Variants in PYROXD2 observed in about 807,000 individuals in gnomAD.
PYROXD2 encodes the protein pyridine nucleotide-disulfide oxidoreductase domain-containing protein 2.
A neutral mutation model predicts 71.1 loss-of-function variants in PYROXD2; 69 were observed. The observed-to-expected ratio is 0.97, with a 90% CI of 0.80 to 1.19. The LOEUF is 1.19. PYROXD2 is among the 50% of genes most tolerant of loss of function. The pLI, the probability that PYROXD2 is intolerant of heterozygous loss-of-function variation, is 0.00. For synonymous variants in PYROXD2, 287 were observed against 302.7 expected (o/e 0.95, Z 0.54); for missense variants, 745 against 748.9 (o/e 0.99, Z 0.06).
intron 12 of PYROXD2, among the ~76,000 whole-genome samples, chr10:98,390,021 C>T (rs1011279536): frequency 6.6e-6 from 1 of 152,114 alleles, no homozygotes; most frequent in Non-Finnish European, 1.5e-5. Context: ...AGTTTCATGC[C>T]CCTGCCCCGC....
intron 2 of PYROXD2, among the ~76,000 whole-genome samples, chr10:98,408,718 C>T (rs1843691158): frequency 6.6e-6 from 1 of 152,118 alleles, no homozygotes; most frequent in Non-Finnish European, 1.5e-5. Flanking sequence ...TTTGTTGAAC[C>T]AAACTGGTCA....
chr10:98,385,023 G>A lies in PYROXD2; in HGVS notation c.1599C>T (p.Ala533=), dbSNP rs1220105978. 6 of 1,613,886 alleles carry A rather than the reference G, an allele frequency of 3.7e-6. No individual in the cohort carries two copies. Among genetic ancestry groups the A allele is most frequent in the Non-Finnish European group, 5.1e-6 (6 of 1,179,906 alleles). The change falls in exon 15 of 16, where the codon GCC becomes GCT. Residue 533 remains alanine (A), a synonymous_variant. Coordinates refer to ENST00000370575, the MANE Select transcript of PYROXD2 (RefSeq NM_032709.3). ...AGCCAGAATGCAGGGGCACGGGGCG[G>A]GCGAAGTAGAGCTGGTCCAGGGACA... ...CAMSLDQLYF[A]RPVPLHSGYR... is the part of the protein sequence containing the mutation.
intron 5 of PYROXD2, among the ~76,000 whole-genome samples, chr10:98,399,434 A>C (rs1843312905): frequency 6.6e-6 from 1 of 152,226 alleles, no homozygotes; most frequent in Non-Finnish European, 1.5e-5. Flanking sequence ...TATCCACAGA[A>C]CCAACTGTGG....
chr10:98,400,832 T>C (rs1429188807), intron 4 of PYROXD2, among the ~76,000 whole-genome samples: 25 of 152,216 alleles, frequency 1.6e-4, no homozygotes, highest in Admixed American at 1.6e-3. Context: ...AGAGTGTACC[T>C]ACACAAAACT....
At chr10:98,408,049 A>C in intron 2 of PYROXD2, 52 bp from the exon 3 acceptor site, 18 of 1,540,362 alleles carry the variant, frequency 1.2e-5, no homozygotes, top group Non-Finnish European at 1.4e-5. Flanking sequence ...CTGAAATGTC[A>C]GGGCTCCCTC....
intron 4 of PYROXD2, among the ~76,000 whole-genome samples, chr10:98,405,232 C>T (rs4475861): frequency 0.37 from 55,558 of 152,032 alleles, 11,240 homozygotes; most frequent in African/African-American, 0.53. Context: ...AGTCAGTGCT[C>T]GCATTGACAG....
intron 4 of PYROXD2, among the ~76,000 whole-genome samples, chr10:98,401,273 A>AAAAAAAAAAAAAAAAAAAAAAC (rs149519972): frequency 8.2e-6 from 1 of 121,692 alleles, no homozygotes. Context: ...AAAACAAAAA[A>AAAAAAAAAAAAAAAAAAAAAAC]AAACAAACAT....
intron 15 of PYROXD2, 121 bp from the exon 16 acceptor site, chr10:98,383,989 G>A: frequency 1.2e-6 from 1 of 828,922 alleles, no homozygotes; most frequent in Non-Finnish European, 2.1e-6. Context: ...GGGGTCCGGG[G>A]GCATGGGCAC....
chr10:98,387,943 T>C (rs1234810398), intron 13 of PYROXD2: 1 of 238,108 alleles, frequency 4.2e-6, no homozygotes, highest in Non-Finnish European at 8.3e-6. Context: ...CTGATCAAGC[T>C]GTTTCTCTTG....
chr10:98,408,286 G>T (rs890207998), intron 2 of PYROXD2, among the ~76,000 whole-genome samples: 1 of 152,198 alleles, frequency 6.6e-6, no homozygotes, highest in Non-Finnish European at 1.5e-5. Flanking sequence ...GTGCCTCGGG[G>T]ACTCACGCTG....
intron 5 of PYROXD2, 150 bp from the exon 6 acceptor site, chr10:98,397,648 T>C: frequency 1.0e-6 from 1 of 978,932 alleles, no homozygotes; most frequent in Admixed American, 3.5e-5. Context: ...GCTCCCCCAG[T>C]TCCAGGTCTC....
chr10:98,405,289 C>T (rs1590969541), intron 4 of PYROXD2, among the ~76,000 whole-genome samples: 1 of 152,062 alleles, frequency 6.6e-6, no homozygotes, highest in African/African-American at 2.4e-5. Context: ...CTGGTGGGGA[C>T]CACAGCGGGT....
chr10:98,394,603 G>A (rs1211184773), intron 8 of PYROXD2, among the ~76,000 whole-genome samples: 1 of 150,460 alleles, frequency 6.6e-6, no homozygotes, highest in East Asian at 2.0e-4. Context: ...TGCTTCTGCG[G>A]GGGCTCATTA....
In PYROXD2 at chr10:98,393,087, T is replaced by C; in HGVS notation, c.786-4A>G. On this transcript the variant is annotated splice_polypyrimidine_tract_variant and splice_region_variant and intron_variant, in intron 8 of 15. Transcript: ENST00000370575. ...CACATGGTGCAGCAGCACATACCTGTGGACAGACCATCCGACTCAGATCCT... is the reference window on the plus strand; with the variant it reads ...CACATGGTGCAGCAGCACATACCTGCGGACAGACCATCCGACTCAGATCCT... The C allele has an allele frequency of 6.5e-7, 1 of 1,536,338 alleles. No homozygotes were observed. Among genetic ancestry groups the C allele is most frequent in the Non-Finnish European group, 8.7e-7 (1 of 1,150,592 alleles).
rs1338272750 is a variant in PYROXD2, at chr10:98,404,831, C to G, written c.315+2751G>C. 3.9e-5 allele frequency among the ~76,000 whole-genome samples: 6 copies of G among 152,346 alleles called. No individual in the cohort carries two copies. In the South Asian group the frequency reaches 1.0e-3, roughly 26 times the overall value. ...CTGGGCCCCACCACTGCCACAGAAT[C>G]AGACTCGTGAGCAAGAACCCCTGGG... On this transcript the variant is annotated intron_variant, in intron 4 of 15. Transcript: ENST00000370575.
chr10:98,390,845 T>C, intron 11 of PYROXD2, 91 bp from the exon 12 acceptor site: 1 of 1,478,848 alleles, frequency 6.8e-7, no homozygotes, highest in Non-Finnish European at 9.2e-7. Flanking sequence ...CGGACGGGAG[T>C]AGGAAAGTAT....
In PYROXD2 at chr10:98,407,935, C is replaced by T. The variant is rs1381747971; in HGVS notation, c.210G>A (p.Gly70=). ...TAVFERRHVI[G]GAAVTEEIIP... ...TGATCTCCTCAGTGACAGCTGCACC[C>T]CCGATCACATGGCGCCTCTCGAAGA... The change falls in exon 3 of 16, where the codon GGG becomes GGA. Residue 70 remains glycine (G), a synonymous_variant. Transcript: ENST00000370575. The T allele has an allele frequency of 6.2e-7, 1 of 1,611,068 alleles. No individual in the cohort carries two copies. The highest frequency in any genetic ancestry group is 1.7e-5 in the Admixed American group (1 of 59,810).
intron 1 of PYROXD2, 28 bp downstream of exon 1, chr10:98,414,981 T>C: frequency 6.2e-7 from 1 of 1,606,138 alleles, no homozygotes; most frequent in Non-Finnish European, 8.5e-7. Context: ...GCCCCTCAGC[T>C]CTGGCCCGGC....
At position 98,392,586 on chromosome 10, in the gene PYROXD2, G is replaced by GGCCCCAGAAACCGCA. The variant is rs1842984067; in HGVS notation, c.928-35_928-21dup. On this transcript the variant is annotated intron_variant, in intron 9 of 15. Transcript: ENST00000370575. Reference sequence around the variant, plus strand: ...CACTGTCTAGAGCCCACCAGAACAAGGCCCCAGAAACCGCAGGAAGGGAAA... The same window carrying GGCCCCAGAAACCGCA: ...CACTGTCTAGAGCCCACCAGAACAAGGCCCCAGAAACCGCAGCCCCAGAAACCGCAGGAAGGGAAA... The GGCCCCAGAAACCGCA allele has an allele frequency of 6.2e-7, 1 of 1,607,856 alleles. No homozygotes were observed. The highest frequency in any genetic ancestry group is 2.2e-5 in the East Asian group (1 of 44,896).
Sources: allele counts gnomAD v4.1 joint callset (sites outside exome capture counted in the v4.1 genomes callset), GRCh38; gene constraint gnomAD v4.1.1; transcripts MANE v1.5; gene names NCBI Gene and HGNC (gene_info 2026-07-23, HGNC 2026-07-21).